BRINP3: variants seen among roughly 807,000 people sequenced by gnomAD.
BRINP3 encodes BMP/retinoic acid-inducible neural-specific protein 3.
BRINP3 carries 19 observed loss-of-function variants against 71.0 expected under a neutral mutation model. The ratio of observed to expected loss-of-function variants is 0.27; its 90% CI spans 0.19 to 0.39. The LOEUF (loss-of-function observed/expected upper bound fraction) is 0.39. BRINP3 is among the 10% of genes least tolerant of loss of function. The probability of loss-of-function intolerance (pLI) is 1.00; values close to 1 mark genes in which losing one functional copy is unlikely to be tolerated. For synonymous variants in BRINP3, 380 were observed against 337.7 expected (o/e 1.13, Z -1.37); for missense variants, 959 against 940.8 (o/e 1.02, Z -0.25).
intron 7 of BRINP3, among the ~76,000 whole-genome samples, chr1:190,128,500 T>C (rs949825053): frequency 2.0e-5 from 3 of 151,784 alleles, no homozygotes; most frequent in Non-Finnish European, 4.4e-5. Flanking sequence ...AGTTGGTTGA[T>C]GAATAAAGGT....
At chr1:190,316,947 C>T (rs547632997) in intron 2 of BRINP3, among the ~76,000 whole-genome samples, 10 of 151,684 alleles carry the variant, frequency 6.6e-5, no homozygotes, top group African/African-American at 2.4e-4. Flanking sequence ...CTGAGGTGGG[C>T]GGATCACCTG....
At position 190,281,747 on chromosome 1, in the gene BRINP3, C is replaced by G. The variant is rs1395630751; in HGVS notation, c.240G>C (p.Glu80Asp). 2 of 1,603,630 alleles carry G rather than the reference C, an allele frequency of 1.2e-6. No homozygotes were observed. Among genetic ancestry groups the G allele is most frequent in the Non-Finnish European group, 1.7e-6 (2 of 1,176,668 alleles). ...GGTTATTTACTTTCCAGCGGCCAAACTCCCTGAAAAGCAAATTTATTTTTA... is the reference window on the plus strand; with the variant it reads ...GGTTATTTACTTTCCAGCGGCCAAAGTCCCTGAAAAGCAAATTTATTTTTA... ...GFSTRYKIYR[E>D]FGRWKVNNLA... The change falls in exon 3 of 8, where the codon GAG (glutamate) becomes GAC (aspartate). Residue 80 changes from glutamate to aspartate, a missense_variant. Transcript: ENST00000367462.
At chr1:190,336,778 TTCCC>T (rs1383556977) in intron 2 of BRINP3, among the ~76,000 whole-genome samples, 1 of 146,500 alleles carries the variant, frequency 6.8e-6, no homozygotes, top group Non-Finnish European at 1.5e-5. Context: ...TACTATCTCC[TTCCC>T]TCCCTCCCTC....
intron 2 of BRINP3, among the ~76,000 whole-genome samples, chr1:190,340,157 T>C (rs1667561281): frequency 6.6e-6 from 1 of 151,896 alleles, no homozygotes; most frequent in Admixed American, 6.6e-5. Context: ...TAAGAAAAGC[T>C]TTCAATTCAA....
chr1:190,105,139 C>CT (rs1029472108), intron 7 of BRINP3, among the ~76,000 whole-genome samples: 2 of 152,060 alleles, frequency 1.3e-5, no homozygotes, highest in South Asian at 4.1e-4. Context: ...GACTCTTGCT[C>CT]TGGCCATCTC....
At chr1:190,368,809 A>ACTTACG (rs1669675225) in intron 2 of BRINP3, among the ~76,000 whole-genome samples, 1 of 152,196 alleles carries the variant, frequency 6.6e-6, no homozygotes, top group South Asian at 2.1e-4. Flanking sequence ...GAAGTTAATC[A>ACTTACG]CTTACGTCTT....
At chr1:190,281,516 A>G (rs1439307497) in intron 3 of BRINP3, 44 bp downstream of exon 3, 1 of 1,562,316 alleles carries the variant, frequency 6.4e-7, no homozygotes, top group Non-Finnish European at 8.8e-7. Context: ...ATACGGTTTT[A>G]GGCACAAGCA....
rs146002990 is a variant in BRINP3, at chr1:190,319,558, C to T, written c.237-37808G>A. The stretch of plus-strand genomic sequence containing the variant: ...GGCTGTACAGAAAGCATGATGGCTT[C>T]TGCTTCTTGGGAGGCATCAAAAAGC... On this transcript the variant is annotated intron_variant, in intron 2 of 7. Transcript: ENST00000367462. Among the ~76,000 whole-genome samples, 533 of 152,196 alleles carry T rather than the reference C, an allele frequency of 3.5e-3. 4 individuals carry two copies. The highest frequency in any genetic ancestry group is 0.012 in the African/African-American group (493 of 41,534).
At chr1:190,365,376 C>T (rs1669415677) in intron 2 of BRINP3, among the ~76,000 whole-genome samples, 1 of 151,792 alleles carries the variant, frequency 6.6e-6, no homozygotes, top group African/African-American at 2.4e-5. Flanking sequence ...TGCCTTTAAT[C>T]TGCTGGGTGC....
At chr1:190,357,690 T>A (rs1668828662) in intron 2 of BRINP3, among the ~76,000 whole-genome samples, 1 of 152,078 alleles carries the variant, frequency 6.6e-6, no homozygotes, top group Middle Eastern at 3.4e-3. Context: ...AAGTAGTTTT[T>A]TCCAATTCTG....
intron 7 of BRINP3, among the ~76,000 whole-genome samples, chr1:190,140,504 C>T (rs1051007380): frequency 6.6e-6 from 1 of 152,042 alleles, no homozygotes; most frequent in Non-Finnish European, 1.5e-5. Context: ...TATAAACCTA[C>T]TATTAATTAT....
intron 7 of BRINP3, among the ~76,000 whole-genome samples, chr1:190,118,559 T>C (rs1391906964): frequency 6.6e-6 from 1 of 152,152 alleles, no homozygotes; most frequent in Non-Finnish European, 1.5e-5. Flanking sequence ...AGATAAGTAC[T>C]AATGTCTTCA....
intron 2 of BRINP3, among the ~76,000 whole-genome samples, chr1:190,319,923 T>C (rs1399473464): frequency 6.6e-6 from 1 of 152,092 alleles, no homozygotes; most frequent in Non-Finnish European, 1.5e-5. Flanking sequence ...ATCTATCACT[T>C]ATAAAGATGT....
chr1:190,147,394 A>T (rs561863102), intron 7 of BRINP3, among the ~76,000 whole-genome samples: 13 of 152,096 alleles, frequency 8.5e-5, no homozygotes, highest in Non-Finnish European at 1.9e-4. Flanking sequence ...TACCTTCTTG[A>T]GTTGATTATT....
chr1:190,228,035 G>A (rs140399142), intron 5 of BRINP3, among the ~76,000 whole-genome samples: 1 of 151,866 alleles, frequency 6.6e-6, no homozygotes, highest in Non-Finnish European at 1.5e-5. Flanking sequence ...CCACACTAGG[G>A]AAAGAAATTA....
intron 4 of BRINP3, among the ~76,000 whole-genome samples, chr1:190,260,765 C>A (rs1661116803): frequency 6.6e-6 from 1 of 151,954 alleles, no homozygotes; most frequent in African/African-American, 2.4e-5. Context: ...TTCAACATCA[C>A]CTGCAACACT....
chr1:190,255,035 GT>G (rs202167773), intron 4 of BRINP3, among the ~76,000 whole-genome samples: 9 of 148,838 alleles, frequency 6.0e-5, no homozygotes, highest in South Asian at 2.1e-4. Flanking sequence ...TAATCATGTG[GT>G]TTTTTTTTTC....
At chr1:190,278,361 C>T (rs1662774036) in intron 3 of BRINP3, among the ~76,000 whole-genome samples, 1 of 151,446 alleles carries the variant, frequency 6.6e-6, no homozygotes, top group Non-Finnish European at 1.5e-5. Flanking sequence ...AATTTAAATG[C>T]CACAAACCTC....
At chr1:190,405,310 G>C (rs1000935038) in intron 2 of BRINP3, among the ~76,000 whole-genome samples, 2 of 151,738 alleles carry the variant, frequency 1.3e-5, no homozygotes, top group Non-Finnish European at 2.9e-5. Flanking sequence ...AATTAGCCAG[G>C]CGTGGTGGCG....
Sources: allele counts gnomAD v4.1 joint callset (sites outside exome capture counted in the v4.1 genomes callset), GRCh38; gene constraint gnomAD v4.1.1; transcripts MANE v1.5; gene names NCBI Gene and HGNC (gene_info 2026-07-23, HGNC 2026-07-21).